Variants in BICC1 observed in about 807,000 individuals in gnomAD.
BICC1 encodes BicC family RNA binding protein 1.
In BICC1, 43 loss-of-function variants were observed where a neutral mutation model predicts 111.0. That is an observed-to-expected ratio of 0.39 (90% confidence interval 0.30 to 0.50). The LOEUF is 0.50. Ranked by LOEUF, BICC1 falls within the 20% of genes least tolerant of loss-of-function variation. The pLI, the probability that BICC1 is intolerant of heterozygous loss-of-function variation, is 0.88. For synonymous variants in BICC1, 467 were observed against 434.4 expected (o/e 1.07, Z -0.93); for missense variants, 1,091 against 1,203.2 (o/e 0.91, Z 1.38).
At chr10:58,583,314 T>G (rs1844332112) in intron 1 of BICC1, among the ~76,000 whole-genome samples, 1 of 152,144 alleles carries the variant, frequency 6.6e-6, no homozygotes, top group Non-Finnish European at 1.5e-5. Flanking sequence ...ATTTCTGAGA[T>G]CTTGGTGTAC....
At chr10:58,737,138 T>A (rs1306409996) in intron 3 of BICC1, among the ~76,000 whole-genome samples, 3 of 152,112 alleles carry the variant, frequency 2.0e-5, no homozygotes, top group Non-Finnish European at 4.4e-5. Context: ...GGTACATGTG[T>A]ACAACGTGCA....
At chr10:58,596,930 C>T (rs376595775) in intron 1 of BICC1, among the ~76,000 whole-genome samples, 1 of 152,186 alleles carries the variant, frequency 6.6e-6, no homozygotes, top group African/African-American at 2.4e-5. Flanking sequence ...AAAAACATTC[C>T]ATGCTCATGG....
At chr10:58,686,782 A>G (rs1839743086) in intron 2 of BICC1, among the ~76,000 whole-genome samples, 1 of 152,122 alleles carries the variant, frequency 6.6e-6, no homozygotes, top group South Asian at 2.1e-4. Context: ...TCTTTTTTCA[A>G]GGTTTTCAGC....
At chr10:58,823,964 CTG>C in intron 20 of BICC1, 1 of 985,392 alleles carries the variant, frequency 1.0e-6, no homozygotes, top group Non-Finnish European at 1.2e-6. Context: ...CAACAGCCAT[CTG>C]TATGCATGCC....
intron 2 of BICC1, among the ~76,000 whole-genome samples, chr10:58,661,111 T>A (rs1838828245): frequency 6.6e-6 from 1 of 152,164 alleles, no homozygotes; most frequent in South Asian, 2.1e-4. Context: ...TGGTCTGATC[T>A]AGTGCATTGG....
rs112202341 is a variant in BICC1, at chr10:58,819,450, T to A, written c.2695-919T>A. ...GTCATCTGCTTTTTTCAGTGTAGGATATTTTCTAATACTCAGATGTGATTT... is the reference window on the plus strand; with the variant it reads ...GTCATCTGCTTTTTTCAGTGTAGGAAATTTTCTAATACTCAGATGTGATTT... On this transcript the variant is annotated intron_variant, in intron 19 of 20. Transcript: ENST00000373886. Among the ~76,000 whole-genome samples the A allele has an allele frequency of 2.5e-3, 384 of 152,278 alleles. 2 individuals carry two copies. The highest frequency in any genetic ancestry group is 8.8e-3 in the African/African-American group (367 of 41,564).
intron 3 of BICC1, among the ~76,000 whole-genome samples, chr10:58,708,572 G>A (rs1840472139): frequency 6.6e-6 from 1 of 152,190 alleles, no homozygotes; most frequent in African/African-American, 2.4e-5. Flanking sequence ...TTATAGACAG[G>A]CTTGAAGAAA....
intron 1 of BICC1, among the ~76,000 whole-genome samples, chr10:58,555,391 A>G (rs977198434): frequency 2.9e-5 from 4 of 136,552 alleles, no homozygotes; most frequent in African/African-American, 1.1e-4. Flanking sequence ...TTGTGGTCCT[A>G]TGTATTGTAA....
At chr10:58,705,183 T>G (rs1840353892) in intron 3 of BICC1, among the ~76,000 whole-genome samples, 1 of 152,218 alleles carries the variant, frequency 6.6e-6, no homozygotes, top group South Asian at 2.1e-4. Flanking sequence ...GCTGCTATAT[T>G]TAACAAGTTT....
At position 58,666,091 on chromosome 10, in the gene BICC1, C is replaced by G. The variant is rs150858128; in HGVS notation, c.238-35983C>G. The stretch of plus-strand genomic sequence containing the variant: ...GCTTAATTGAGCAATGAATGATTTG[C>G]AAATCGGGCAGTCCCCAGAATCACA... On this transcript the variant is annotated intron_variant, in intron 2 of 20. Coordinates refer to ENST00000373886, the MANE Select transcript of BICC1 (RefSeq NM_001080512.3). Among the ~76,000 whole-genome samples, 875 of 152,296 alleles carry G rather than the reference C, an allele frequency of 5.7e-3. 8 individuals are homozygous for G. Among genetic ancestry groups the G allele is most frequent in the African/African-American group, 0.02 (849 of 41,554 alleles).
chr10:58,616,514 G>A (rs929461425), intron 1 of BICC1, among the ~76,000 whole-genome samples: 3 of 152,078 alleles, frequency 2.0e-5, no homozygotes, highest in Non-Finnish European at 2.9e-5. Flanking sequence ...TTTTCTGTAT[G>A]ATGAGGGAAC....
chr10:58,545,663 C>T (rs1424125862), intron 1 of BICC1, among the ~76,000 whole-genome samples: 5 of 152,138 alleles, frequency 3.3e-5, no homozygotes, highest in African/African-American at 4.8e-5. Context: ...TCCATTGCCC[C>T]AACGTGTAAG....
chr10:58,717,388 G>A (rs1176675780), intron 3 of BICC1, among the ~76,000 whole-genome samples: 4 of 151,500 alleles, frequency 2.6e-5, no homozygotes, highest in South Asian at 4.2e-4. Flanking sequence ...TCATATTGAA[G>A]CTGAGACTTA....
At chr10:58,790,279 C>CAA (rs10712140) in intron 8 of BICC1, among the ~76,000 whole-genome samples, 10 of 138,778 alleles carry the variant, frequency 7.2e-5, no homozygotes, top group African/African-American at 2.4e-4. Flanking sequence ...TTGTATTTGG[C>CAA]AAAAAAAAAA....
At chr10:58,643,742 G>A (rs1209992034) in intron 2 of BICC1, among the ~76,000 whole-genome samples, 1 of 152,168 alleles carries the variant, frequency 6.6e-6, no homozygotes, top group Non-Finnish European at 1.5e-5. Context: ...CTTCCTCCAT[G>A]GCCACAGCAG....
At position 58,814,687 on chromosome 10, in the gene BICC1, G is replaced by A. The variant is rs145688015; in HGVS notation, c.2533+701G>A. On this transcript the variant is annotated intron_variant, in intron 18 of 20. Coordinates refer to ENST00000373886, the MANE Select transcript of BICC1 (RefSeq NM_001080512.3). ...GCATGCGCCAATAGTCTTAGCCTAC[G>A]TGGGAGACTGAGGTGGGAGGATCGC... Among the ~76,000 whole-genome samples the A allele has an allele frequency of 2.2e-3, 330 of 151,286 alleles. 1 individual carries two copies. The highest frequency in any genetic ancestry group is 3.9e-3 in the Non-Finnish European group (267 of 67,830).
chr10:58,669,522 G>T (rs1353594618), intron 2 of BICC1, among the ~76,000 whole-genome samples: 1 of 152,028 alleles, frequency 6.6e-6, no homozygotes, highest in East Asian at 1.9e-4. Context: ...TTTTTGCAAA[G>T]AAAGACCTGG....
chr10:58,695,114 A>C (rs1255893856), intron 2 of BICC1, among the ~76,000 whole-genome samples: 7 of 152,214 alleles, frequency 4.6e-5, no homozygotes, highest in African/African-American at 7.2e-5. Flanking sequence ...CTGGGTGCAC[A>C]TGAGGAATTG....
intron 1 of BICC1, among the ~76,000 whole-genome samples, chr10:58,555,800 T>A (rs1843434102): frequency 1.3e-5 from 2 of 152,166 alleles, no homozygotes; most frequent in Non-Finnish European, 2.9e-5. Flanking sequence ...AGCCTTTAAC[T>A]TGGATTACTG....
Sources: allele counts gnomAD v4.1 joint callset (sites outside exome capture counted in the v4.1 genomes callset), GRCh38; gene constraint gnomAD v4.1.1; transcripts MANE v1.5; gene names NCBI Gene and HGNC (gene_info 2026-07-23, HGNC 2026-07-21).